Variants in CUBN observed in about 807,000 individuals in gnomAD.
The protein encoded by CUBN is cubilin.
In CUBN, 282 loss-of-function variants were observed where a neutral mutation model predicts 405.3. The observed-to-expected ratio is 0.70, with a 90% CI of 0.63 to 0.77. The LOEUF is 0.77. Among genes scored for constraint, CUBN ranks in the 30% least tolerant of loss-of-function variants. CUBN has a pLI of 0.00. For missense variants in CUBN, 4,514 were observed against 4,475.2 expected (o/e 1.01, Z -0.25); for synonymous variants, 1,684 against 1,617.0 (o/e 1.04, Z -0.99).
intron 40 of CUBN, 82 bp downstream of exon 40, chr10:16,933,005 G>A: frequency 2.9e-6 from 4 of 1,393,088 alleles, no homozygotes; most frequent in Non-Finnish European, 2.0e-6. Context: ...ACGGATGGAG[G>A]CAGTATGCAA....
At chr10:17,123,046 G>A in intron 5 of CUBN, 148 bp from the exon 6 acceptor site, 1 of 688,054 alleles carries the variant, frequency 1.5e-6, no homozygotes, top group Non-Finnish European at 2.7e-6. Flanking sequence ...TTAACCCCTG[G>A]CTATTCTTCC....
chr10:17,020,004 TC>T, intron 27 of CUBN, 21 bp from the exon 28 acceptor site: 1 of 1,613,900 alleles, frequency 6.2e-7, no homozygotes. Flanking sequence ...AGAGAAACTT[TC>T]CCATATAAAA....
chr10:16,884,686 T>G (rs1840761342), intron 56 of CUBN, among the ~76,000 whole-genome samples: 1 of 151,914 alleles, frequency 6.6e-6, no homozygotes, highest in Admixed American at 6.5e-5. Flanking sequence ...TTGAGTGTGG[T>G]TCAACAATCT....
At chr10:17,051,833 C>T (rs978532528) in intron 22 of CUBN, among the ~76,000 whole-genome samples, 2 of 151,310 alleles carry the variant, frequency 1.3e-5, no homozygotes, top group African/African-American at 4.9e-5. Context: ...AACACACATA[C>T]AATTAGAGAA....
At chr10:17,070,169 A>G (rs1045778474) in intron 19 of CUBN, among the ~76,000 whole-genome samples, 7 of 152,346 alleles carry the variant, frequency 4.6e-5, no homozygotes, top group Admixed American at 2.0e-4. Flanking sequence ...TCATATATCA[A>G]TTGGCCATAA....
chr10:16,978,728 T>C (rs1367133236), intron 31 of CUBN, among the ~76,000 whole-genome samples: 3 of 152,158 alleles, frequency 2.0e-5, no homozygotes, highest in Admixed American at 2.0e-4. Flanking sequence ...GAAATGTTGA[T>C]ATACACAAAT....
intron 27 of CUBN, among the ~76,000 whole-genome samples, chr10:17,038,496 A>G (rs1386091757): frequency 6.6e-6 from 1 of 152,132 alleles, no homozygotes; most frequent in Non-Finnish European, 1.5e-5. Flanking sequence ...ATCTTTTCAA[A>G]CCCATTCCTC....
chr10:16,908,495 T>C lies in CUBN; in HGVS notation c.7534-816A>G, dbSNP rs542773201. 7.2e-5 allele frequency among the ~76,000 whole-genome samples: 11 copies of C among 152,346 alleles called. No individual in the cohort carries two copies. The South Asian group carries it at 2.1e-3, about 29-fold the overall frequency. On this transcript the variant is annotated intron_variant, in intron 48 of 66. Transcript: ENST00000377833. ...AAGTAATTTGAAAAATCAATCTCCA[T>C]CTGCAATTAAACATAATAGTTCTTT...
At chr10:17,023,886 G>C (rs1172654866) in intron 27 of CUBN, among the ~76,000 whole-genome samples, 1 of 152,130 alleles carries the variant, frequency 6.6e-6, no homozygotes, top group African/African-American at 2.4e-5. Flanking sequence ...CAGATGCGGA[G>C]ATGTGTATAT....
intron 60 of CUBN, among the ~76,000 whole-genome samples, chr10:16,849,043 T>C (rs1839601852): frequency 6.6e-6 from 1 of 152,120 alleles, no homozygotes; most frequent in Non-Finnish European, 1.5e-5. Context: ...TAAACTGGAA[T>C]TGACATTCCT....
chr10:17,103,884 T>C (rs1028597569), intron 12 of CUBN, among the ~76,000 whole-genome samples: 3 of 152,176 alleles, frequency 2.0e-5, no homozygotes, highest in Admixed American at 2.0e-4. Flanking sequence ...ATACTCATGG[T>C]GGTACATGGG....
intron 51 of CUBN, among the ~76,000 whole-genome samples, chr10:16,902,321 GTA>G (rs950616236): frequency 2.2e-5 from 3 of 137,456 alleles, no homozygotes; most frequent in African/African-American, 5.4e-5. Context: ...ATATATATTT[GTA>G]TATATATATT....
At chr10:17,014,219 T>C (rs1834263459) in intron 28 of CUBN, among the ~76,000 whole-genome samples, 1 of 152,200 alleles carries the variant, frequency 6.6e-6, no homozygotes, top group African/African-American at 2.4e-5. Flanking sequence ...ATGCCACTGG[T>C]TGTGGGGTTG....
At chr10:16,955,113 A>G (rs1843015637) in intron 31 of CUBN, among the ~76,000 whole-genome samples, 1 of 152,084 alleles carries the variant, frequency 6.6e-6, no homozygotes, top group Non-Finnish European at 1.5e-5. Flanking sequence ...GCTCACATCT[A>G]CAATCCCAGC....
intron 60 of CUBN, among the ~76,000 whole-genome samples, chr10:16,848,764 C>T (rs1003901988): frequency 8.1e-6 from 1 of 123,250 alleles, no homozygotes; most frequent in Admixed American, 1.1e-4. Context: ...TGCAGTGATG[C>T]AATCACGACT....
intron 27 of CUBN, 72 bp downstream of exon 27, chr10:17,040,961 T>A: frequency 9.1e-6 from 13 of 1,429,340 alleles, no homozygotes; most frequent in Non-Finnish European, 1.3e-5. Context: ...CTAAAAAGCA[T>A]GATGGATTCT....
rs1182136317 is a variant in CUBN, at chr10:16,954,532, C to T, written c.4712G>A (p.Ser1571Asn). The T allele has an allele frequency of 6.2e-7, 1 of 1,613,592 alleles. No homozygotes were observed. The highest frequency in any genetic ancestry group is 1.1e-5 in the South Asian group (1 of 91,036). The change falls in exon 32 of 67, where the codon AGC becomes AAC. Residue 1571 changes from serine (S) to asparagine (N), a missense_variant. By Grantham distance (46) the Ser-to-Asn change is conservative (BLOSUM62 1). Transcript: ENST00000377833. The stretch of plus-strand genomic sequence containing the variant: ...CCTGGCAAGGCGGGACATTGTGGAG[C>T]TTAAGCCATCGTATGCCTACAAGAA... ...DSCIMAYDGL[S>N]STMSRLARTC...
At position 16,851,280 on chromosome 10, in the gene CUBN, C is replaced by T. The variant is rs559567467; in HGVS notation, c.9618G>A (p.Leu3206=). Residue 3206 remains leucine (L), a synonymous_variant, in exon 60 of 67, where the codon CTG becomes CTA. Transcript: ENST00000377833. The part of the protein sequence containing the change: ...VIHLTFNTFA[L]EAASTRQRCL... ...ATCTTTGCCTAGTACTTGCTGCCTC[C>T]AGAGCAAATGTATTGAAGGTGAGGT... 1.9e-6 allele frequency: 3 copies of T among 1,614,120 alleles called. No homozygotes were observed. The highest frequency in any genetic ancestry group is 1.6e-4 in the Middle Eastern group (1 of 6,062).
In CUBN at chr10:16,917,044, C is replaced by A. The variant is rs568737671; in HGVS notation, c.7001-1014G>T. ...GGCCAGGCTGGTCTTGAACTCCTGACCTCGTGATCCACCTGCCTTAGCCTC... is the reference window on the plus strand; with the variant it reads ...GGCCAGGCTGGTCTTGAACTCCTGAACTCGTGATCCACCTGCCTTAGCCTC... On this transcript the variant is annotated intron_variant, in intron 45 of 66. Coordinates refer to ENST00000377833, the MANE Select transcript of CUBN (RefSeq NM_001081.4). Among the ~76,000 whole-genome samples, 9 of 152,126 alleles carry A rather than the reference C, an allele frequency of 5.9e-5. No individual in the cohort carries two copies. The East Asian group carries it at 1.5e-3, about 26-fold the overall frequency.
Sources: gnomAD v4.1 joint callset for allele counts (sites outside exome capture counted in the v4.1 genomes callset) on GRCh38, gnomAD v4.1.1 for gene constraint, MANE v1.5 for transcripts, NCBI Gene and HGNC (gene_info 2026-07-23, HGNC 2026-07-21) for gene names.